Variants in DRC7 observed in about 807,000 individuals in gnomAD.
The protein encoded by DRC7 is coiled-coil domain containing 135.
In DRC7, 80 loss-of-function variants were observed where a neutral mutation model predicts 104.4. That is an observed-to-expected ratio of 0.77 (90% CI 0.64 to 0.92). The LOEUF (loss-of-function observed/expected upper bound fraction) is 0.92. Ranked by LOEUF, DRC7 falls within the 40% of genes least tolerant of loss-of-function variation. The pLI is 0.00. For synonymous variants in DRC7, 405 were observed against 447.3 expected, an observed-to-expected ratio of 0.91 and a Z score of 1.19; for missense variants, 1,034 against 1,141.1, an observed-to-expected ratio of 0.91 and a Z score of 1.35.
intron 2 of DRC7, among the ~76,000 whole-genome samples, chr16:57,696,841 C>T (rs576995546): frequency 1.4e-4 from 22 of 152,346 alleles, no homozygotes; most frequent in Admixed American, 3.9e-4. Flanking sequence ...TATCATTCAC[C>T]TGCCATCCTC....
intron 9 of DRC7, among the ~76,000 whole-genome samples, chr16:57,718,918 G>A (rs1254324400): frequency 2.0e-5 from 3 of 152,018 alleles, no homozygotes; most frequent in Non-Finnish European, 4.4e-5. Context: ...GAGACTGGGA[G>A]GCCGAAGCTG....
In DRC7 at chr16:57,724,609, A is replaced by C. The variant is rs1319806950; in HGVS notation, c.1538-6A>C. 1.0e-5 allele frequency: 16 copies of C among 1,602,270 alleles called. No homozygotes were observed. The highest frequency in any genetic ancestry group is 1.4e-5 in the Non-Finnish European group (16 of 1,171,408). On this transcript the variant is annotated splice_region_variant and splice_polypyrimidine_tract_variant and intron_variant, in intron 12 of 18. Transcript: ENST00000360716. ...TGTCTCCTCCCAACTCCCGCTCCCCACCCAGTGCACTCGTACAAGTCCATG... is the reference window on the plus strand; with the variant it reads ...TGTCTCCTCCCAACTCCCGCTCCCCCCCCAGTGCACTCGTACAAGTCCATG...
At position 57,728,397 on chromosome 16, in the gene DRC7, T is replaced by C. The variant is rs770349167; in HGVS notation, c.2204T>C (p.Met735Thr). ...TGCCCCTCACCTTTACAGGAGCGCA[T>C]GATGCACGAAGAGCACCTGCGGCAG... Reference protein sequence around the residue: ...SKEYREAMERMMHEEHLRQVE... With the variant: ...SKEYREAMERTMHEEHLRQVE... The change falls in exon 17 of 19, where the codon ATG becomes ACG. Residue 735 changes from methionine to threonine, a missense_variant. Physicochemically the swap from Met to Thr is moderately conservative, Grantham distance 81. Transcript: ENST00000360716. 2.5e-6 allele frequency: 4 copies of C among 1,597,672 alleles called. No individual in the cohort carries two copies. The highest frequency in any genetic ancestry group is 1.1e-5 in the South Asian group (1 of 89,492).
At chr16:57,715,868 C>T (rs1463236) in intron 8 of DRC7, among the ~76,000 whole-genome samples, 15,028 of 152,132 alleles carry the variant, frequency 0.099, 954 homozygotes, top group African/African-American at 0.18. Flanking sequence ...CATCAGGCTC[C>T]GAGGTGAAGG....
At chr16:57,707,189 A>G (rs1177962185) in intron 7 of DRC7, among the ~76,000 whole-genome samples, 9 of 152,250 alleles carry the variant, frequency 5.9e-5, no homozygotes, top group Non-Finnish European at 1.5e-5. Flanking sequence ...GTCATAACAT[A>G]TAAAGCCGGT....
intron 7 of DRC7, among the ~76,000 whole-genome samples, chr16:57,706,238 ACCCT>A (rs2048724691): frequency 1.6e-4 from 4 of 24,452 alleles, no homozygotes; most frequent in Admixed American, 3.9e-4. Context: ...CCTCCCACCC[ACCCT>A]CCCATCCGTC....
intron 17 of DRC7, among the ~76,000 whole-genome samples, chr16:57,730,472 CAG>C (rs1597817613): frequency 6.6e-6 from 1 of 151,916 alleles, no homozygotes; most frequent in Non-Finnish European, 1.5e-5. Flanking sequence ...GCTGGGTAGA[CAG>C]AGAGATGGTA....
intron 14 of DRC7, 58 bp from the exon 15 acceptor site, chr16:57,726,774 G>A: frequency 9.4e-7 from 1 of 1,063,200 alleles, no homozygotes; most frequent in Non-Finnish European, 1.4e-6. Flanking sequence ...GAACCCAGGT[G>A]GTCCTATGCC....
At chr16:57,699,072 A>G (rs781238648) in intron 4 of DRC7, 48 bp downstream of exon 4, 111 of 1,594,244 alleles carry the variant, frequency 7.0e-5, no homozygotes, top group Non-Finnish European at 1.7e-5. Flanking sequence ...GGGGCTGGAG[A>G]GCAGAGGGCA....
At chr16:57,706,097 CATCCATCCTCTCA>C in intron 7 of DRC7, among the ~76,000 whole-genome samples, 1 of 144,556 alleles carries the variant, frequency 6.9e-6, no homozygotes. Flanking sequence ...TCCTCCCATC[CATCCATCCTCTCA>C]TCCATGCTTC....
At chr16:57,699,696 C>G (rs75810437) in intron 4 of DRC7, among the ~76,000 whole-genome samples, 1,759 of 152,252 alleles carry the variant, frequency 0.012, 25 homozygotes, top group African/African-American at 0.04. Context: ...GAGAGCATCG[C>G]TCCTGGGAGG....
In DRC7 at chr16:57,713,263, G is replaced by T. The variant is rs1373588483; in HGVS notation, c.1078-5084G>T. 3.3e-5 allele frequency among the ~76,000 whole-genome samples: 5 copies of T among 152,276 alleles called. No individual in the cohort carries two copies. The East Asian group carries it at 9.6e-4, about 29-fold the overall frequency. Reference sequence around the variant, plus strand: ...CAATAATCTCAAGTTGATTGGTAGTGTTATTCAAATCTTATATATCTTTGC... The same window carrying T: ...CAATAATCTCAAGTTGATTGGTAGTTTTATTCAAATCTTATATATCTTTGC... On this transcript the variant is annotated intron_variant, in intron 8 of 18. Transcript: ENST00000360716.
rs140120172 is a variant in DRC7, at chr16:57,726,841, A to G, written c.1984A>G (p.Met662Val). The G allele has an allele frequency of 9.7e-4, 1,556 of 1,611,124 alleles. 2 individuals carry two copies. Among genetic ancestry groups the G allele is most frequent in the Non-Finnish European group, 1.2e-3 (1,423 of 1,178,272 alleles). The change falls in exon 15 of 19, where the codon ATG (methionine) becomes GTG (valine). Residue 662 changes from methionine to valine, a missense_variant. Transcript: ENST00000360716. ...DMCISFEVEP[M>V]EHTKKLLYQY... ...GTGGTTGTTGTCCCAGGTGGAGCCC[A>G]TGGAGCACACCAAGAAGCTGCTCTA...
At chr16:57,723,526 A>T (rs751532761) in intron 12 of DRC7, among the ~76,000 whole-genome samples, 1 of 152,152 alleles carries the variant, frequency 6.6e-6, no homozygotes, top group Non-Finnish European at 1.5e-5. Flanking sequence ...CCAGGGGTTC[A>T]AGACCAGCCT....
At position 57,728,530 on chromosome 16, in the gene DRC7, C is replaced by T. The variant is rs755496231; in HGVS notation, c.2337C>T (p.Asp779=). ...AVRLKDECLS[D]FKQRLINKAN... is the part of the protein sequence containing the mutation. ...GCCTCAAGGATGAGTGCCTCAGCGA[C>T]TTCAAGCAGCGGCTCATCAACAAGG... is the stretch of plus-strand genomic sequence containing the variant. The change falls in exon 17 of 19, where the codon GAC becomes GAT. Residue 779 remains aspartate (D), a synonymous_variant. Transcript: ENST00000360716. 2 of 1,611,426 alleles carry T rather than the reference C, an allele frequency of 1.2e-6. No homozygotes were observed. Among genetic ancestry groups the T allele is most frequent in the South Asian group, 2.2e-5 (2 of 90,798 alleles).
chr16:57,729,474 G>A (rs2049021486), intron 17 of DRC7, among the ~76,000 whole-genome samples: 3 of 128,474 alleles, frequency 2.3e-5, no homozygotes, highest in South Asian at 2.9e-4. Context: ...GAGTGGGTGG[G>A]TGGATGGATG....
At chr16:57,700,656 C>CA (rs59120133) in intron 5 of DRC7, among the ~76,000 whole-genome samples, 21,525 of 88,494 alleles carry the variant, frequency 0.24, 2,475 homozygotes, top group East Asian at 0.4. Context: ...AAAACTCTCT[C>CA]AAAAAAAAAA....
intron 2 of DRC7, 140 bp from the exon 3 acceptor site, chr16:57,697,773 G>A (rs1237517595): frequency 1.1e-6 from 1 of 886,610 alleles, no homozygotes; most frequent in Non-Finnish European, 1.7e-6. Context: ...TTGAAAGGAA[G>A]TCAAAGAGGG....
At chr16:57,712,762 G>T (rs1180978788) in intron 8 of DRC7, among the ~76,000 whole-genome samples, 1 of 151,986 alleles carries the variant, frequency 6.6e-6, no homozygotes, top group East Asian at 1.9e-4. Flanking sequence ...CCACCTCCTG[G>T]GTTCAAGCGA....
Sources: gnomAD v4.1 joint callset for allele counts (sites outside exome capture counted in the v4.1 genomes callset) on GRCh38, gnomAD v4.1.1 for gene constraint, MANE v1.5 for transcripts, NCBI Gene and HGNC (gene_info 2026-07-23, HGNC 2026-07-21) for gene names.